Variants in CDH8 observed in about 807,000 individuals in gnomAD.
CDH8 encodes the protein cadherin-8.
CDH8 carries 17 observed loss-of-function variants against 68.1 expected under a neutral mutation model. The ratio of observed to expected loss-of-function variants is 0.25; its 90% CI spans 0.17 to 0.37. The LOEUF (loss-of-function observed/expected upper bound fraction) is 0.37. CDH8 is among the 10% of genes least tolerant of loss of function. The probability of loss-of-function intolerance (pLI) is 1.00; values close to 1 mark genes in which losing one functional copy is unlikely to be tolerated. For synonymous variants in CDH8, 372 were observed against 365.1 expected, an observed-to-expected ratio of 1.02 and a Z score of -0.21; for missense variants, 763 against 999.3, an observed-to-expected ratio of 0.76 and a Z score of 3.19.
At chr16:61,981,274 T>C (rs915746101) in intron 2 of CDH8, among the ~76,000 whole-genome samples, 4 of 152,240 alleles carry the variant, frequency 2.6e-5, no homozygotes, top group Non-Finnish European at 5.9e-5. Context: ...ACTATTACTA[T>C]TTTAACATAT....
chr16:61,961,529 T>A (rs1279352788), intron 2 of CDH8, among the ~76,000 whole-genome samples: 1 of 152,188 alleles, frequency 6.6e-6, no homozygotes, highest in African/African-American at 2.4e-5. Flanking sequence ...GCCCAGCTGC[T>A]TCTTGTCTCA....
intron 4 of CDH8, among the ~76,000 whole-genome samples, chr16:61,848,920 A>C (rs1962878506): frequency 6.6e-6 from 1 of 152,102 alleles, no homozygotes; most frequent in African/African-American, 2.4e-5. Context: ...AGAGTTTGAC[A>C]CCTGTTTGGC....
At chr16:61,759,793 C>T (rs956576055) in intron 8 of CDH8, among the ~76,000 whole-genome samples, 1 of 152,136 alleles carries the variant, frequency 6.6e-6, no homozygotes, top group Non-Finnish European at 1.5e-5. Context: ...TGTTTTAAAT[C>T]ATGACATTAA....
chr16:61,913,726 C>T (rs17379848), intron 2 of CDH8, among the ~76,000 whole-genome samples: 23,476 of 151,972 alleles, frequency 0.15, 2,010 homozygotes, highest in Middle Eastern at 0.25. Flanking sequence ...CAACCAAAGA[C>T]GCCCTCTCAC....
Position 61,975,789 on chromosome 16 carries a change from A to G in CDH8, c.252+45363T>C, listed in dbSNP as rs1194379397. ...ATTCTGTTTTTAAGGGGAAAATGAT[A>G]GGGCTCTAGAAAACTGAACTCCTCA... On this transcript the variant is annotated intron_variant, in intron 2 of 11. Coordinates refer to ENST00000577390, the MANE Select transcript of CDH8 (RefSeq NM_001796.5). 2.0e-5 allele frequency among the ~76,000 whole-genome samples: 3 copies of G among 152,150 alleles called. No homozygotes were observed. In the East Asian group the frequency reaches 5.8e-4, roughly 29 times the overall value.
intron 8 of CDH8, among the ~76,000 whole-genome samples, chr16:61,780,650 G>A (rs1961026366): frequency 6.6e-6 from 1 of 152,186 alleles, no homozygotes; most frequent in African/African-American, 2.4e-5. Flanking sequence ...ATTCATCTCA[G>A]ACAAATTCTA....
chr16:61,870,371 G>A (rs888173020), intron 3 of CDH8, among the ~76,000 whole-genome samples: 1 of 152,198 alleles, frequency 6.6e-6, no homozygotes, highest in Non-Finnish European at 1.5e-5. Context: ...CAGTGTAAAT[G>A]TGTGAAGTGA....
chr16:61,896,062 T>C (rs1476325942), intron 3 of CDH8, among the ~76,000 whole-genome samples: 1 of 152,134 alleles, frequency 6.6e-6, no homozygotes, highest in East Asian at 1.9e-4. Flanking sequence ...AAAATACACT[T>C]GACCCCAATA....
At chr16:61,781,045 C>T (rs1453354503) in intron 8 of CDH8, among the ~76,000 whole-genome samples, 1 of 152,210 alleles carries the variant, frequency 6.6e-6, no homozygotes, top group Non-Finnish European at 1.5e-5. Flanking sequence ...CAGCTTGTTT[C>T]TTGGCCAAAA....
intron 2 of CDH8, among the ~76,000 whole-genome samples, chr16:61,957,763 G>C (rs1349386432): frequency 6.6e-6 from 1 of 151,776 alleles, no homozygotes; most frequent in African/African-American, 2.4e-5. Context: ...TTCATGTCTG[G>C]TTTCTCACTC....
At chr16:61,721,183 C>G (rs576892811) in intron 9 of CDH8, among the ~76,000 whole-genome samples, 1 of 150,946 alleles carries the variant, frequency 6.6e-6, no homozygotes, top group East Asian at 2.0e-4. Context: ...GTTAATGACT[C>G]TCTTGAAATG....
intron 2 of CDH8, among the ~76,000 whole-genome samples, chr16:61,992,615 A>C (rs1965745711): frequency 6.7e-6 from 1 of 148,178 alleles, no homozygotes; most frequent in African/African-American, 2.5e-5. Flanking sequence ...AATGTGGTTC[A>C]GAGAATAAAA....
At chr16:61,773,511 G>A (rs912265363) in intron 8 of CDH8, among the ~76,000 whole-genome samples, 1 of 152,078 alleles carries the variant, frequency 6.6e-6, no homozygotes, top group Non-Finnish European at 1.5e-5. Context: ...TAATACAGAT[G>A]TGAGAAGATG....
chr16:61,824,309 C>T lies in CDH8; in HGVS notation c.835+703G>A, dbSNP rs151154795. On this transcript the variant is annotated intron_variant, in intron 5 of 11. Transcript: ENST00000577390. ...ATTCATCCTCCCTCCCATGGCTTCA[C>T]CTTGTTCCAACTAATTGTTTTCACT... Among the ~76,000 whole-genome samples, 181 of 151,880 alleles carry T rather than the reference C, an allele frequency of 1.2e-3. 1 individual carries two copies. Among genetic ancestry groups the T allele is most frequent in the Non-Finnish European group, 2.0e-3 (134 of 67,892 alleles).
chr16:61,842,359 A>T (rs1962706143), intron 4 of CDH8, among the ~76,000 whole-genome samples: 1 of 152,048 alleles, frequency 6.6e-6, no homozygotes, highest in Non-Finnish European at 1.5e-5. Flanking sequence ...TATCACAGGA[A>T]TTGGTTGTTT....
chr16:61,891,085 T>C (rs900893787), intron 3 of CDH8, among the ~76,000 whole-genome samples: 3 of 151,948 alleles, frequency 2.0e-5, no homozygotes, highest in Non-Finnish European at 4.4e-5. Context: ...ATTTTATACA[T>C]ATAATATATA....
chr16:61,761,272 A>G (rs1027702372), intron 8 of CDH8, among the ~76,000 whole-genome samples: 2 of 152,202 alleles, frequency 1.3e-5, no homozygotes, highest in African/African-American at 4.8e-5. Flanking sequence ...TATTATAAAT[A>G]ACTTTTCTGC....
At chr16:61,791,592 C>T (rs181491300) in intron 7 of CDH8, among the ~76,000 whole-genome samples, 1 of 151,930 alleles carries the variant, frequency 6.6e-6, no homozygotes, top group Non-Finnish European at 1.5e-5. Flanking sequence ...CACATCCATG[C>T]GTCAACCAAT....
chr16:61,751,846 T>G (rs917215462), intron 8 of CDH8, among the ~76,000 whole-genome samples: 1 of 152,094 alleles, frequency 6.6e-6, no homozygotes, highest in Non-Finnish European at 1.5e-5. Flanking sequence ...ATACTACCAT[T>G]TAATTATCCA....
Sources: allele counts gnomAD v4.1 joint callset (sites outside exome capture counted in the v4.1 genomes callset), GRCh38; gene constraint gnomAD v4.1.1; transcripts MANE v1.5; gene names NCBI Gene and HGNC (gene_info 2026-07-23, HGNC 2026-07-21).